Variants in ST6GALNAC5 observed in about 807,000 individuals in gnomAD.
ST6GALNAC5 encodes the protein ST6 N-acetylgalactosaminide alpha-2,6-sialyltransferase 5, also known as alpha-N-acetylgalactosaminide alpha-2,6-sialyltransferase 5.
In ST6GALNAC5, 27 loss-of-function variants were observed where a neutral mutation model predicts 33.6. That is an observed-to-expected ratio of 0.80 (90% CI 0.59 to 1.11). ST6GALNAC5 has a LOEUF of 1.11. Among genes scored for constraint, ST6GALNAC5 ranks in the 50% least tolerant of loss-of-function variants. The pLI is 0.00. For missense variants in ST6GALNAC5, 428 were observed against 454.0 expected, an observed-to-expected ratio of 0.94 and a Z score of 0.52; for synonymous variants, 194 against 171.2, an observed-to-expected ratio of 1.13 and a Z score of -1.04.
Position 77,044,263 on chromosome 1 carries a change from C to T in ST6GALNAC5, c.321C>T (p.His107=), listed in dbSNP as rs1170447185. Residue 107 remains histidine (H), a synonymous_variant, in exon 3 of 5, where the codon CAC becomes CAT. Transcript: ENST00000477717. ...TGACCAGCTCAGGGCATCTGCTGCACAGTCGGCAAGGCTCCCAGATTGACC... is the reference window on the plus strand; with the variant it reads ...TGACCAGCTCAGGGCATCTGCTGCATAGTCGGCAAGGCTCCCAGATTGACC... ...ALVTSSGHLL[H]SRQGSQIDQT... 7.4e-6 allele frequency: 12 copies of T among 1,613,792 alleles called. No individual in the cohort carries two copies. The highest frequency in any genetic ancestry group is 1.7e-5 in the Admixed American group (1 of 60,004).
chr1:76,972,555 A>T (rs955011819), intron 2 of ST6GALNAC5, among the ~76,000 whole-genome samples: 2 of 152,184 alleles, frequency 1.3e-5, no homozygotes, highest in Non-Finnish European at 2.9e-5. Context: ...GTCCCATATT[A>T]TATATTATAC....
intron 2 of ST6GALNAC5, among the ~76,000 whole-genome samples, chr1:76,997,088 G>A (rs377095582): frequency 6.6e-6 from 1 of 152,218 alleles, no homozygotes; most frequent in South Asian, 2.1e-4. Flanking sequence ...GCGAGGAAAG[G>A]TGAGGTCTCA....
chr1:76,996,702 T>C (rs1048579042), intron 2 of ST6GALNAC5, among the ~76,000 whole-genome samples: 2 of 152,156 alleles, frequency 1.3e-5, no homozygotes, highest in African/African-American at 2.4e-5. Context: ...CCTTTCAGTA[T>C]GTACAGTTGG....
At chr1:77,001,393 CT>C (rs1362684528) in intron 2 of ST6GALNAC5, among the ~76,000 whole-genome samples, 1 of 124,648 alleles carries the variant, frequency 8.0e-6, no homozygotes, top group African/African-American at 3.0e-5. Context: ...AGATTTTGGG[CT>C]GAGACAATGG....
intron 2 of ST6GALNAC5, among the ~76,000 whole-genome samples, chr1:76,913,912 T>G (rs1271437893): frequency 6.6e-6 from 1 of 152,190 alleles, no homozygotes; most frequent in Non-Finnish European, 1.5e-5. Context: ...TGTCCCTGTT[T>G]GCAGACGACA....
chr1:76,914,101 A>T (rs978581469), intron 2 of ST6GALNAC5, among the ~76,000 whole-genome samples: 5 of 152,214 alleles, frequency 3.3e-5, no homozygotes, highest in Non-Finnish European at 5.9e-5. Flanking sequence ...TGCTTCAAAG[A>T]GAATAAAATA....
chr1:76,956,433 T>A (rs1165544878), intron 2 of ST6GALNAC5, among the ~76,000 whole-genome samples: 1 of 152,196 alleles, frequency 6.6e-6, no homozygotes, highest in African/African-American at 2.4e-5. Flanking sequence ...AGAACCTGAA[T>A]TCAGGCCCAG....
At chr1:76,905,636 T>C (rs1198886903) in intron 2 of ST6GALNAC5, among the ~76,000 whole-genome samples, 1 of 152,230 alleles carries the variant, frequency 6.6e-6, no homozygotes, top group Non-Finnish European at 1.5e-5. Context: ...TTCTGTGAAA[T>C]ACTAAAAATT....
chr1:76,872,130 A>G (rs991372647), intron 2 of ST6GALNAC5, among the ~76,000 whole-genome samples: 2 of 151,180 alleles, frequency 1.3e-5, no homozygotes, highest in African/African-American at 4.9e-5. Context: ...ACACACATTA[A>G]ATCAAGAAAT....
intron 2 of ST6GALNAC5, among the ~76,000 whole-genome samples, chr1:76,997,262 C>A (rs922776889): frequency 2.6e-5 from 4 of 152,114 alleles, no homozygotes; most frequent in African/African-American, 7.2e-5. Context: ...AGAGTTTGTA[C>A]AGTTTCGTAG....
At chr1:76,950,622 C>T (rs1205787398) in intron 2 of ST6GALNAC5, among the ~76,000 whole-genome samples, 2 of 151,880 alleles carry the variant, frequency 1.3e-5, no homozygotes, top group Non-Finnish European at 2.9e-5. Context: ...AGAGATGGGA[C>T]CGATGTCAGA....
chr1:76,945,074 G>A (rs1647469137), intron 2 of ST6GALNAC5, among the ~76,000 whole-genome samples: 1 of 152,014 alleles, frequency 6.6e-6, no homozygotes, highest in Admixed American at 6.6e-5. Flanking sequence ...TGGGTAAAAT[G>A]GCTTTGGAGT....
chr1:77,067,212 A>T lies in ST6GALNAC5; in HGVS notation c.*4006A>T, dbSNP rs199664. ...TAGGTGTTAGCACATGCCAGAAGGTACTTTGGAATGGAAAGAGGTGAGAGT... is the reference window on the plus strand; with the variant it reads ...TAGGTGTTAGCACATGCCAGAAGGTTCTTTGGAATGGAAAGAGGTGAGAGT... On this transcript the variant is annotated 3_prime_UTR_variant, in exon 5 of 5. Transcript: ENST00000477717. Among the ~76,000 whole-genome samples the T allele has an allele frequency of 5.8e-3, 888 of 152,306 alleles. 7 individuals carry two copies. Among genetic ancestry groups the T allele is most frequent in the African/African-American group, 0.02 (826 of 41,570 alleles).
At chr1:76,922,316 GA>G (rs1647042080) in intron 2 of ST6GALNAC5, among the ~76,000 whole-genome samples, 3 of 152,068 alleles carry the variant, frequency 2.0e-5, no homozygotes, top group Admixed American at 2.0e-4. Flanking sequence ...AAAATGTACA[GA>G]ATCTGTCTGT....
At chr1:77,001,103 A>G (rs981355010) in intron 2 of ST6GALNAC5, among the ~76,000 whole-genome samples, 3 of 151,892 alleles carry the variant, frequency 2.0e-5, no homozygotes, top group African/African-American at 7.3e-5. Context: ...TGTTCACGAT[A>G]TTGATTCTTC....
intron 2 of ST6GALNAC5, among the ~76,000 whole-genome samples, chr1:76,913,557 A>G (rs1646936377): frequency 6.6e-6 from 1 of 152,126 alleles, no homozygotes; most frequent in Non-Finnish European, 1.5e-5. Flanking sequence ...CAGGTAAACC[A>G]ATCAGATGCA....
At chr1:76,969,957 G>T (rs149198135) in intron 2 of ST6GALNAC5, among the ~76,000 whole-genome samples, 134 of 152,186 alleles carry the variant, frequency 8.8e-4, no homozygotes, top group African/African-American at 3.1e-3. Flanking sequence ...GCGGATGACT[G>T]TTAGAAGGAA....
chr1:76,974,693 T>C lies in ST6GALNAC5; in HGVS notation c.262-69511T>C, dbSNP rs575620143. 5.9e-5 allele frequency among the ~76,000 whole-genome samples: 6 copies of C among 101,856 alleles called. No individual in the cohort carries two copies. The South Asian group carries it at 2.3e-3, about 39-fold the overall frequency. The allele number at this position is 101,856 out of a possible 152,430, so 66.8% of individuals were successfully genotyped here. A position where few individuals can be genotyped will look rare whatever the true frequency, so the allele number is the denominator to read the frequency against. Reference sequence around the variant, plus strand: ...TACATTTCTGCATTTTCATACTGCTTGCAGTATGAAATATAAGATAACAGT... The same window carrying C: ...TACATTTCTGCATTTTCATACTGCTCGCAGTATGAAATATAAGATAACAGT... On this transcript the variant is annotated intron_variant, in intron 2 of 4. Transcript: ENST00000477717.
chr1:77,060,948 C>T (rs1652556322), intron 4 of ST6GALNAC5, among the ~76,000 whole-genome samples: 1 of 152,082 alleles, frequency 6.6e-6, no homozygotes, highest in Non-Finnish European at 1.5e-5. Flanking sequence ...GCATGGTTCC[C>T]CCAAATTATG....
Sources: gnomAD v4.1 joint callset for allele counts (sites outside exome capture counted in the v4.1 genomes callset) on GRCh38, gnomAD v4.1.1 for gene constraint, MANE v1.5 for transcripts, NCBI Gene and HGNC (gene_info 2026-07-23, HGNC 2026-07-21) for gene names.